CEP192: variants seen among roughly 807,000 people sequenced by gnomAD.
The protein encoded by CEP192 is centrosomal protein 192.
Under a neutral mutation model 271.8 loss-of-function variants are expected in CEP192, and 151 were observed. The ratio of observed to expected loss-of-function variants is 0.56; its 90% CI spans 0.49 to 0.64. The LOEUF (loss-of-function observed/expected upper bound fraction) is 0.64. Ranked by LOEUF, CEP192 falls within the 30% of genes least tolerant of loss-of-function variation. The pLI is 0.00. For missense variants in CEP192, 2,910 were observed against 3,020.5 expected, an observed-to-expected ratio of 0.96 and a Z score of 0.86; for synonymous variants, 995 against 1,076.5, an observed-to-expected ratio of 0.92 and a Z score of 1.48.
Position 13,124,779 on chromosome 18 carries a change from C to T in CEP192, c.*9C>T, listed in dbSNP as rs770533253. ...CTCTTGGAAAAAATTAACTAGAATA[C>T]ATTTTTGTGTAAAGTAAATTACATA... On this transcript the variant is annotated 3_prime_UTR_variant, in exon 45 of 45. Transcript: ENST00000506447. 2.5e-6 allele frequency: 4 copies of T among 1,589,738 alleles called. No individual in the cohort carries two copies. In the South Asian group the frequency reaches 4.4e-5, roughly 18 times the overall value.
rs111946707 is a variant in CEP192, at chr18:13,076,933, G to A, written c.5616+3748G>A. On this transcript the variant is annotated intron_variant, in intron 30 of 44. Coordinates refer to ENST00000506447, the MANE Select transcript of CEP192 (RefSeq NM_032142.4). ...CGAGTAGCTGGGATTACAGGCACCC[G>A]TCACCACACCCGGCTAATTTTTGTA... Among the ~76,000 whole-genome samples, 36 of 152,026 alleles carry A rather than the reference G, an allele frequency of 2.4e-4. No individual in the cohort carries two copies. In the South Asian group the frequency reaches 4.2e-3, roughly 18 times the overall value.
At position 13,049,425 on chromosome 18, in the gene CEP192, T is replaced by A; in HGVS notation, c.2634T>A (p.Asp878Glu). 1 of 1,614,146 alleles carries A rather than the reference T, an allele frequency of 6.2e-7. No homozygotes were observed. The highest frequency in any genetic ancestry group is 8.5e-7 in the Non-Finnish European group (1 of 1,180,006). ...GAGAGAATAACAGTGCAGTAGTTGATGTGAAGACATGTTCCATTGACAACA... is the reference window on the plus strand; with the variant it reads ...GAGAGAATAACAGTGCAGTAGTTGAAGTGAAGACATGTTCCATTGACAACA... Reference protein sequence around the residue: ...TNRENNSAVVDVKTCSIDNKL... With the variant: ...TNRENNSAVVEVKTCSIDNKL... The change falls in exon 16 of 45, where the codon GAT becomes GAA. Residue 878 changes from aspartate to glutamate, a missense_variant. Coordinates refer to ENST00000506447, the MANE Select transcript of CEP192 (RefSeq NM_032142.4).
intron 36 of CEP192, among the ~76,000 whole-genome samples, chr18:13,098,464 G>A (rs535500321): frequency 0.016 from 2,384 of 151,714 alleles, 28 homozygotes; most frequent in Non-Finnish European, 0.023. Context: ...CTTCTCAGAC[G>A]GGGCGGCTGG....
chr18:13,088,931 A>G (rs118095467), intron 32 of CEP192: 6,306 of 445,842 alleles, frequency 0.014, 76 homozygotes, highest in Middle Eastern at 0.032. Flanking sequence ...TTTTCTCTCA[A>G]TTGGGATATA....
chr18:13,120,087 T>G (rs1233147291), intron 44 of CEP192, among the ~76,000 whole-genome samples: 1 of 152,248 alleles, frequency 6.6e-6, no homozygotes, highest in Non-Finnish European at 1.5e-5. Flanking sequence ...TTTTAAAGAA[T>G]TGCATTTCTG....
At chr18:13,094,552 A>G (rs1313461367) in intron 34 of CEP192, among the ~76,000 whole-genome samples, 1 of 152,188 alleles carries the variant, frequency 6.6e-6, no homozygotes, top group Non-Finnish European at 1.5e-5. Context: ...CCATTGGCAC[A>G]GCAGGATGTT....
intron 43 of CEP192, 124 bp from the exon 44 acceptor site, chr18:13,117,461 C>A: frequency 3.1e-6 from 2 of 648,616 alleles, no homozygotes; most frequent in South Asian, 3.9e-5. Context: ...ATTGTACTAC[C>A]TAATTTTGTG....
chr18:13,003,135 G>C (rs944738216), intron 3 of CEP192, among the ~76,000 whole-genome samples: 2 of 152,134 alleles, frequency 1.3e-5, no homozygotes, highest in Non-Finnish European at 2.9e-5. Flanking sequence ...GCAGTGGTCA[G>C]TATGGGTCTC....
intron 30 of CEP192, among the ~76,000 whole-genome samples, chr18:13,078,774 T>A (rs752101401): frequency 6.6e-6 from 1 of 152,138 alleles, no homozygotes; most frequent in Non-Finnish European, 1.5e-5. Flanking sequence ...CCTAATGCTA[T>A]CCCTTCCCCT....
intron 30 of CEP192, among the ~76,000 whole-genome samples, chr18:13,084,589 C>T (rs997963006): frequency 4.6e-5 from 7 of 152,170 alleles, no homozygotes; most frequent in Admixed American, 2.0e-4. Context: ...CCGGGTGAGG[C>T]AATGCCCCGC....
At chr18:12,993,889 C>A (rs181940805) in intron 1 of CEP192, among the ~76,000 whole-genome samples, 1 of 152,164 alleles carries the variant, frequency 6.6e-6, no homozygotes, top group Non-Finnish European at 1.5e-5. Flanking sequence ...GTTATAGATT[C>A]TTTCTTAAAA....
intron 32 of CEP192, chr18:13,088,762 G>A (rs1406581668): frequency 1.3e-5 from 3 of 236,298 alleles, no homozygotes; most frequent in Non-Finnish European, 2.7e-5. Flanking sequence ...AGGGTCATTG[G>A]AATGTTTTAC....
intron 15 of CEP192, among the ~76,000 whole-genome samples, chr18:13,046,282 G>A (rs1185706204): frequency 6.6e-6 from 1 of 152,138 alleles, no homozygotes; most frequent in African/African-American, 2.4e-5. Flanking sequence ...CAAGCCATGA[G>A]GGGTTCACCG....
chr18:13,113,832 T>G (rs1568439551), intron 41 of CEP192, 127 bp downstream of exon 41: 1 of 933,712 alleles, frequency 1.1e-6, no homozygotes, highest in African/African-American at 1.7e-5. Flanking sequence ...TTGTTTGTCT[T>G]TATTAATTGG....
rs896478455 is a variant in CEP192, at chr18:13,069,321, A to G, written c.5055+140A>G. On this transcript the variant is annotated intron_variant, in intron 26 of 44. Transcript: ENST00000506447. ...ATGAAAGAATCGCTGAGAGTTTTTA[A>G]AAACTGGGTGTTATATAGCATAAAA... 5.8e-6 allele frequency: 4 copies of G among 691,964 alleles called. No individual in the cohort carries two copies. In the African/African-American group the frequency reaches 7.1e-5, roughly 12 times the overall value. The allele number at this position is 691,964 out of a possible 1,614,324, so 42.9% of individuals were successfully genotyped here.
intron 9 of CEP192, among the ~76,000 whole-genome samples, chr18:13,025,696 A>G (rs1000345349): frequency 1.2e-4 from 18 of 152,190 alleles, no homozygotes; most frequent in Admixed American, 1.0e-3. Context: ...TAGTTTGAGT[A>G]ATGATAATAA....
intron 15 of CEP192, among the ~76,000 whole-genome samples, chr18:13,043,207 C>T (rs1412710830): frequency 6.6e-6 from 1 of 152,220 alleles, no homozygotes; most frequent in Non-Finnish European, 1.5e-5. Context: ...CTGTCCAAGT[C>T]TGTTGCTCAT....
At chr18:13,010,582 C>T (rs2034282642) in intron 4 of CEP192, among the ~76,000 whole-genome samples, 1 of 152,236 alleles carries the variant, frequency 6.6e-6, no homozygotes, top group Admixed American at 6.5e-5. Flanking sequence ...CACGGTGGCT[C>T]ACACCGGTAA....
chr18:12,995,032 C>T (rs1308909678), intron 1 of CEP192, among the ~76,000 whole-genome samples: 1 of 151,510 alleles, frequency 6.6e-6, no homozygotes, highest in Non-Finnish European at 1.5e-5. Flanking sequence ...TTCCTGCCTC[C>T]TCCATCCTAA....
Sources: allele counts gnomAD v4.1 joint callset (sites outside exome capture counted in the v4.1 genomes callset), GRCh38; gene constraint gnomAD v4.1.1; transcripts MANE v1.5; gene names NCBI Gene and HGNC (gene_info 2026-07-23, HGNC 2026-07-21).